Variants in CSNK2A1 observed in about 807,000 individuals in gnomAD.
CSNK2A1 encodes casein kinase II subunit alpha.
CSNK2A1 carries 10 observed loss-of-function variants against 62.9 expected under a neutral mutation model. The ratio of observed to expected loss-of-function variants is 0.16; its 90% CI spans 0.10 to 0.27. The LOEUF is 0.27. CSNK2A1 is among the 10% of genes least tolerant of loss of function. The pLI, the probability that CSNK2A1 is intolerant of heterozygous loss-of-function variation, is 1.00. For synonymous variants in CSNK2A1, 124 were observed against 167.8 expected (o/e 0.74, Z 2.02); for missense variants, 160 against 492.0 (o/e 0.33, Z 6.38).
chr20:505,252 T>C, intron 3 of CSNK2A1, 23 bp from the exon 4 acceptor site: 1 of 1,569,052 alleles, frequency 6.4e-7, no homozygotes, highest in Non-Finnish European at 8.7e-7. Flanking sequence ...ACAAAATGAC[T>C]TATAAACGGT....
intron 2 of CSNK2A1, among the ~76,000 whole-genome samples, chr20:521,832 T>C (rs1225304108): frequency 6.6e-6 from 1 of 152,176 alleles, no homozygotes; most frequent in Non-Finnish European, 1.5e-5. Flanking sequence ...CAAGTAATCC[T>C]TTGGCTTCAG....
At chr20:497,805 A>G in intron 6 of CSNK2A1, 25 bp from the exon 7 acceptor site, 2 of 1,604,608 alleles carry the variant, frequency 1.2e-6, no homozygotes, top group Non-Finnish European at 1.7e-6. Flanking sequence ...TGTTTGAGCC[A>G]TGAAATAATG....
chr20:477,638 C>G lies in CSNK2A1; in HGVS notation c.*6323G>C, dbSNP rs1328479708. 1 of 152,258 alleles carries G rather than the reference C, an allele frequency of 6.6e-6. No individual in the cohort carries two copies. Among genetic ancestry groups the G allele is most frequent in the Admixed American group, 6.5e-5 (1 of 15,272 alleles). 9.4% of individuals were successfully genotyped at this position (152,258 alleles called of 1,614,324 possible). On this transcript the variant is annotated 3_prime_UTR_variant, in exon 14 of 14. Transcript: ENST00000217244. ...CTATCTCCCTGGGGGCATTCAAACC[C>G]TAGTCCATAGCCTGAGGCCCACCTA... is the stretch of plus-strand genomic sequence containing the variant.
At chr20:510,189 T>TTTA (rs2018688681) in intron 2 of CSNK2A1, 1 of 151,802 alleles carries the variant, frequency 6.6e-6, no homozygotes, top group Admixed American at 6.6e-5. Flanking sequence ...TTTTTTTTTT[T>TTTA]GAGATGGAGT....
At chr20:512,481 G>C (rs1413003738) in intron 2 of CSNK2A1, among the ~76,000 whole-genome samples, 1 of 152,032 alleles carries the variant, frequency 6.6e-6, no homozygotes, top group Non-Finnish European at 1.5e-5. Context: ...CTGTAACTTA[G>C]CTACCACACC....
chr20:540,210 T>C (rs924750387), intron 1 of CSNK2A1, among the ~76,000 whole-genome samples: 16 of 152,204 alleles, frequency 1.1e-4, no homozygotes, highest in Non-Finnish European at 2.2e-4. Flanking sequence ...CAATCCAAAC[T>C]AGAACTGTTT....
In CSNK2A1 at chr20:524,543, C is replaced by T. The variant is rs114397765; in HGVS notation, c.-110+3390G>A. Among the ~76,000 whole-genome samples, 219 of 149,538 alleles carry T rather than the reference C, an allele frequency of 1.5e-3. 3 individuals are homozygous for T. Among genetic ancestry groups the T allele is most frequent in the African/African-American group, 5.2e-3 (213 of 40,732 alleles). ...CCTGGCCAACACAGCGAAACCTCAT[C>T]TCTACTTAAAAACAACAACAACAAC... On this transcript the variant is annotated intron_variant, in intron 2 of 13. Transcript: ENST00000217244.
rs2017785812 is a variant in CSNK2A1 at position 473,209 on chromosome 20, C to G, written c.*10752G>C. ...CTTTGTGACCCTCAGAAAGGGTCTT[C>G]TTCCCATACTCTTGTCTCTCTCCTG... On this transcript the variant is annotated 3_prime_UTR_variant, in exon 14 of 14. Coordinates refer to ENST00000217244, the MANE Select transcript of CSNK2A1 (RefSeq NM_177559.3). The G allele has an allele frequency of 6.6e-6, 1 of 152,356 alleles. No individual in the cohort carries two copies. Among genetic ancestry groups the G allele is most frequent in the Non-Finnish European group, 1.5e-5 (1 of 68,170 alleles). The allele number at this position is 152,356 out of a possible 1,614,324, so 9.4% of individuals were successfully genotyped here. A position where few individuals can be genotyped will look rare whatever the true frequency, so the allele number is the denominator to read the frequency against.
chr20:491,650 AAC>A (rs1361943428), intron 9 of CSNK2A1, among the ~76,000 whole-genome samples: 4 of 151,968 alleles, frequency 2.6e-5, no homozygotes, highest in African/African-American at 9.7e-5. Context: ...CAGCCTGGGC[AAC>A]AGAGCAAAAC....
At chr20:487,193 C>T (rs796539389) in intron 12 of CSNK2A1, 1 of 575,022 alleles carries the variant, frequency 1.7e-6, no homozygotes, top group African/African-American at 1.9e-5. Context: ...AAGTGTCATC[C>T]TCACAGTATG....
intron 2 of CSNK2A1, among the ~76,000 whole-genome samples, chr20:517,885 T>G (rs2018860994): frequency 6.6e-6 from 1 of 152,176 alleles, no homozygotes; most frequent in South Asian, 2.1e-4. Context: ...TGGAGACTAT[T>G]AGTTTACTCG....
intron 1 of CSNK2A1, among the ~76,000 whole-genome samples, chr20:540,438 G>A (rs748085265): frequency 3.2e-4 from 49 of 152,292 alleles, no homozygotes; most frequent in Non-Finnish European, 5.6e-4. Context: ...ATGTAACAAG[G>A]ATCCCCTTTC....
intron 1 of CSNK2A1, 81 bp downstream of exon 1, chr20:543,591 G>C (rs1473565637): frequency 1.3e-5 from 5 of 396,952 alleles, no homozygotes; most frequent in African/African-American, 6.2e-5. Context: ...TGCTGGAAGC[G>C]TGAGGGTCGG....
Position 481,075 on chromosome 20 carries a change from T to C in CSNK2A1, c.*2886A>G, listed in dbSNP as rs2017947294. On this transcript the variant is annotated 3_prime_UTR_variant, in exon 14 of 14. Transcript: ENST00000217244. The stretch of plus-strand genomic sequence containing the variant: ...GCCATCTATCACACACGGTGTCGGT[T>C]GGAGAAGCATATTGCTCAGGCTGCA... 1 of 152,334 alleles carries C rather than the reference T, an allele frequency of 6.6e-6. No homozygotes were observed. Among genetic ancestry groups the C allele is most frequent in the Non-Finnish European group, 1.5e-5 (1 of 68,024 alleles). The allele number at this position is 152,334 out of a possible 1,614,324, so 9.4% of individuals were successfully genotyped here.
chr20:487,981 T>G (rs887201786), intron 11 of CSNK2A1: 1 of 251,666 alleles, frequency 4.0e-6, no homozygotes, highest in Admixed American at 4.9e-5. Context: ...GTTGAGTGGT[T>G]AAGTGTATAA....
intron 11 of CSNK2A1, chr20:487,846 C>T (rs979130846): frequency 1.1e-5 from 5 of 471,316 alleles, no homozygotes; most frequent in Non-Finnish European, 1.9e-5. Context: ...GTGACCGCTT[C>T]TGTGTAGCAA....
At chr20:542,340 G>C (rs1012089969) in intron 1 of CSNK2A1, among the ~76,000 whole-genome samples, 2 of 152,232 alleles carry the variant, frequency 1.3e-5, no homozygotes, top group African/African-American at 2.4e-5. Context: ...TGATATTTGA[G>C]AACCTAGGCA....
intron 1 of CSNK2A1, among the ~76,000 whole-genome samples, chr20:534,969 G>A (rs1305138194): frequency 6.8e-6 from 1 of 148,148 alleles, no homozygotes; most frequent in East Asian, 2.0e-4. Context: ...GGGAGGTGGA[G>A]GTTGCAGTGA....
chr20:525,317 G>A (rs925594953), intron 2 of CSNK2A1, among the ~76,000 whole-genome samples: 4 of 151,928 alleles, frequency 2.6e-5, no homozygotes, highest in South Asian at 2.1e-4. Context: ...TTCGAGACCA[G>A]CCTGGGCAAC....
Sources: allele counts gnomAD v4.1 joint callset (sites outside exome capture counted in the v4.1 genomes callset), GRCh38; gene constraint gnomAD v4.1.1; transcripts MANE v1.5; gene names NCBI Gene and HGNC (gene_info 2026-07-23, HGNC 2026-07-21).